Variants in CCDC191 observed in about 807,000 individuals in gnomAD.
CCDC191 encodes the protein coiled-coil domain-containing protein 191.
A neutral mutation model predicts 114.0 loss-of-function variants in CCDC191; 99 were observed. The observed-to-expected ratio is 0.87, with a 90% CI of 0.74 to 1.03. The LOEUF (loss-of-function observed/expected upper bound fraction) is 1.03. Ranked by LOEUF, CCDC191 falls within the 50% of genes least tolerant of loss-of-function variation. CCDC191 has a pLI of 0.00. For missense variants in CCDC191, 973 were observed against 1,087.0 expected, an observed-to-expected ratio of 0.90 and a Z score of 1.47; for synonymous variants, 351 against 376.0, an observed-to-expected ratio of 0.93 and a Z score of 0.77.
chr3:113,976,257 T>G (rs1351053751), intron 16 of CCDC191, among the ~76,000 whole-genome samples: 1 of 150,604 alleles, frequency 6.6e-6, no homozygotes, highest in African/African-American at 2.4e-5. Flanking sequence ...AGACTTTGTC[T>G]CAGGGTAAAA....
intron 2 of CCDC191, among the ~76,000 whole-genome samples, chr3:114,049,656 G>A (rs1430632686): frequency 2.6e-5 from 4 of 152,168 alleles, no homozygotes; most frequent in Non-Finnish European, 2.9e-5. Flanking sequence ...GTACTGACAA[G>A]GAAATAAAGA....
intron 16 of CCDC191, among the ~76,000 whole-genome samples, chr3:113,973,899 C>T (rs1250549465): frequency 2.6e-5 from 4 of 151,216 alleles, no homozygotes; most frequent in African/African-American, 9.7e-5. Flanking sequence ...TCAAGTCCCC[C>T]TTCAACACCA....
chr3:114,036,696 G>A lies in CCDC191; in HGVS notation c.506C>T (p.Ala169Val). The A allele has an allele frequency of 6.2e-7, 1 of 1,600,316 alleles. No homozygotes were observed. Among genetic ancestry groups the A allele is most frequent in the Non-Finnish European group, 8.5e-7 (1 of 1,172,336 alleles). ...HLLHKNVVDS[A>V]MMEDLGRKEN... ...CTTCCTTCCAAGATCTTCCATCATT[G>A]CAGAATCTACCACATTTTTATGGAG... is the stretch of plus-strand genomic sequence containing the variant. The change falls in exon 5 of 17, where the codon GCA becomes GTA. Residue 169 changes from alanine (A) to valine (V), a missense_variant. By Grantham distance (64) the Ala-to-Val change is moderately conservative. Coordinates refer to ENST00000295878, the MANE Select transcript of CCDC191 (RefSeq NM_020817.2).
At chr3:114,031,830 T>C (rs900590537) in intron 6 of CCDC191, 51 bp from the exon 7 acceptor site, 2 of 838,500 alleles carry the variant, frequency 2.4e-6, no homozygotes, top group African/African-American at 1.7e-5. Flanking sequence ...GATTTAAAAA[T>C]GAGCAATTAC....
rs920211150 is a variant in CCDC191 at position 114,028,275 on chromosome 3, A to ATT, written c.972+3349_972+3350dup. On this transcript the variant is annotated intron_variant, in intron 7 of 16. Transcript: ENST00000295878. ...GTGGTATGGGTTAGCAATTCTAAAA[A>ATT]TTTTTTTTTTTTTTTTTTTTTTTTT... Among the ~76,000 whole-genome samples the ATT allele has an allele frequency of 2.7e-3, 339 of 126,854 alleles. 4 individuals are homozygous for ATT. The highest frequency in any genetic ancestry group is 3.0e-3 in the Non-Finnish European group (184 of 60,588). The allele number at this position is 126,854 out of a possible 152,430, so 83.2% of individuals were successfully genotyped here. A position where few individuals can be genotyped will look rare whatever the true frequency, so the allele number is the denominator to read the frequency against.
chr3:114,041,246 C>CAGCA (rs2076555413), intron 4 of CCDC191, among the ~76,000 whole-genome samples: 1 of 152,012 alleles, frequency 6.6e-6, no homozygotes, highest in African/African-American at 2.4e-5. Context: ...GTCCAGAAGG[C>CAGCA]AGCAACGAGG....
intron 16 of CCDC191, among the ~76,000 whole-genome samples, chr3:113,976,950 T>TC (rs1941406560): frequency 6.6e-6 from 1 of 152,200 alleles, no homozygotes; most frequent in South Asian, 2.1e-4. Flanking sequence ...TTATCTGTTT[T>TC]CCCACTCCAC....
intron 2 of CCDC191, among the ~76,000 whole-genome samples, chr3:114,052,185 T>A (rs1473388399): frequency 1.3e-5 from 2 of 152,028 alleles, no homozygotes; most frequent in African/African-American, 4.8e-5. Flanking sequence ...CTTATTGGTT[T>A]TTTTCAAGAC....
At position 114,005,853 on chromosome 3, in the gene CCDC191, T is replaced by C. The variant is rs1008329015; in HGVS notation, c.1523A>G (p.Gln508Arg). ...TTTGNLQGSL[Q>R]NVSLSAPGNK... The stretch of plus-strand genomic sequence containing the variant: ...GCCAGGTGCACTCAGAGAGACATTC[T>C]GAAGGGAACCCTGCAAGTTGCCTGT... The change falls in exon 10 of 17, where the codon CAG becomes CGG. Residue 508 changes from glutamine (Q) to arginine (R), a missense_variant. By Grantham distance (43) the Gln-to-Arg change is conservative (BLOSUM62 1). Transcript: ENST00000295878. 4 of 1,613,960 alleles carry C rather than the reference T, an allele frequency of 2.5e-6. No individual in the cohort carries two copies. The highest frequency in any genetic ancestry group is 2.5e-6 in the Non-Finnish European group (3 of 1,179,982).
At chr3:114,056,322 A>G (rs1008662845) in intron 1 of CCDC191, 55 bp downstream of exon 1, 1 of 1,563,858 alleles carries the variant, frequency 6.4e-7, no homozygotes, top group African/African-American at 1.4e-5. Flanking sequence ...TGGCTTCCTG[A>G]CTGCGCCGCG....
intron 3 of CCDC191, among the ~76,000 whole-genome samples, chr3:114,045,195 TG>T (rs1251274827): frequency 2.6e-5 from 4 of 151,748 alleles, no homozygotes; most frequent in Admixed American, 6.6e-5. Context: ...GGAGGTGGGG[TG>T]GGCAAGATCA....
At chr3:113,973,196 T>C (rs1214391356) in intron 16 of CCDC191, among the ~76,000 whole-genome samples, 1 of 152,220 alleles carries the variant, frequency 6.6e-6, no homozygotes, top group Non-Finnish European at 1.5e-5. Flanking sequence ...TTCTTGCCTT[T>C]TCTTTTTAGA....
Position 113,975,452 on chromosome 3 carries a change from A to ATATT in CCDC191, c.2606+2730_2606+2733dup, listed in dbSNP as rs1351133633. ...CCCTTTTAAAGACTGGTGACCTTAA[A>ATATT]TATTAGTGTCATTCCTGCAATAAAG... is the stretch of plus-strand genomic sequence containing the variant. On this transcript the variant is annotated intron_variant, in intron 16 of 16. Coordinates refer to ENST00000295878, the MANE Select transcript of CCDC191 (RefSeq NM_020817.2). Among the ~76,000 whole-genome samples the ATATT allele has an allele frequency of 5.3e-5, 8 of 152,342 alleles. No homozygotes were observed. The East Asian group carries it at 1.5e-3, about 29-fold the overall frequency.
At chr3:114,003,066 C>G in intron 11 of CCDC191, 2 of 985,266 alleles carry the variant, frequency 2.0e-6, no homozygotes, top group Non-Finnish European at 2.4e-6. Context: ...GTTTTAAGGC[C>G]TGGATATACA....
chr3:113,982,765 T>C (rs779142063), intron 13 of CCDC191, among the ~76,000 whole-genome samples: 1 of 151,674 alleles, frequency 6.6e-6, no homozygotes, highest in Admixed American at 6.6e-5. Flanking sequence ...TATACTCTGC[T>C]CTTCTGCATC....
chr3:113,991,653 G>A (rs983038710), intron 13 of CCDC191, among the ~76,000 whole-genome samples: 10 of 152,120 alleles, frequency 6.6e-5, no homozygotes, highest in African/African-American at 2.4e-4. Context: ...ATCTCATACT[G>A]GAAGTCCTAA....
chr3:114,005,453 CA>C, intron 10 of CCDC191, 54 bp downstream of exon 10: 2 of 1,508,292 alleles, frequency 1.3e-6, no homozygotes, highest in Non-Finnish European at 1.8e-6. Context: ...CTCAGGAGCC[CA>C]AAGTGAAAAA....
Position 114,049,264 on chromosome 3 carries a change from C to T in CCDC191, c.130-2532G>A, listed in dbSNP as rs374589968. Reference sequence around the variant, plus strand: ...TTTCCCATATTATTTCTGATAGCCTCTGATGCATGCAAGTTTATGTTGGTA... The same window carrying T: ...TTTCCCATATTATTTCTGATAGCCTTTGATGCATGCAAGTTTATGTTGGTA... On this transcript the variant is annotated intron_variant, in intron 2 of 16. Transcript: ENST00000295878. Among the ~76,000 whole-genome samples, 30 of 152,324 alleles carry T rather than the reference C, an allele frequency of 2.0e-4. No homozygotes were observed. In the East Asian group the frequency reaches 3.9e-3, roughly 20 times the overall value.
Position 114,002,165 on chromosome 3 carries a change from A to G in CCDC191, c.2061+291T>C, listed in dbSNP as rs192793724. ...TCCCTCTTTGCAAATTCAGTAGGTC[A>G]GACATCTACCTATAATACACTAATC... is the stretch of plus-strand genomic sequence containing the variant. On this transcript the variant is annotated intron_variant, in intron 12 of 16. Transcript: ENST00000295878. Among the ~76,000 whole-genome samples, 29 of 152,324 alleles carry G rather than the reference A, an allele frequency of 1.9e-4. No individual in the cohort carries two copies. In the East Asian group the frequency reaches 5.6e-3, roughly 29 times the overall value.
Sources: gnomAD v4.1 joint callset for allele counts (sites outside exome capture counted in the v4.1 genomes callset) on GRCh38, gnomAD v4.1.1 for gene constraint, MANE v1.5 for transcripts, NCBI Gene and HGNC (gene_info 2026-07-23, HGNC 2026-07-21) for gene names.